TGFBRAP1: variants seen among roughly 807,000 people sequenced by gnomAD.
TGFBRAP1 encodes transforming growth factor beta receptor associated protein 1, also known as transforming growth factor-beta receptor-associated protein 1.
Under a neutral mutation model 83.2 loss-of-function variants are expected in TGFBRAP1, and 20 were observed. The observed-to-expected ratio is 0.24, with a 90% CI of 0.17 to 0.35. TGFBRAP1 has a LOEUF of 0.35. TGFBRAP1 is among the 10% of genes least tolerant of loss of function. The probability of loss-of-function intolerance (pLI) is 1.00; values close to 1 mark genes in which losing one functional copy is unlikely to be tolerated. For synonymous variants in TGFBRAP1, 415 were observed against 459.8 expected, an observed-to-expected ratio of 0.90 and a Z score of 1.25; for missense variants, 950 against 1,099.4, an observed-to-expected ratio of 0.86 and a Z score of 1.92.
chr2:105,299,257 G>T (rs1179467902), intron 2 of TGFBRAP1, among the ~76,000 whole-genome samples: 5 of 152,080 alleles, frequency 3.3e-5, no homozygotes, highest in African/African-American at 9.7e-5. Flanking sequence ...CTCCAGCCTG[G>T]GCGACAGAGT....
At chr2:105,277,716 C>A (rs1677396863) in intron 6 of TGFBRAP1, 45 bp from the exon 7 acceptor site, 1 of 1,589,926 alleles carries the variant, frequency 6.3e-7, no homozygotes, top group African/African-American at 1.3e-5. Context: ...CCCATCAGCT[C>A]CTGGAGGCGA....
chr2:105,273,142 C>T, intron 9 of TGFBRAP1, 128 bp from the exon 10 acceptor site: 2 of 1,206,680 alleles, frequency 1.7e-6, no homozygotes, highest in South Asian at 1.5e-5. Flanking sequence ...TGCTCACTTG[C>T]TGGATCGAAA....
the TGFBRAP1 span, among the ~76,000 whole-genome samples, chr2:105,253,286 T>C: frequency 6.6e-6 from 1 of 151,990 alleles, no homozygotes; most frequent in Non-Finnish European, 1.5e-5. Context: ...GCATGTGCCA[T>C]GACACCTGGC....
intron 1 of TGFBRAP1, among the ~76,000 whole-genome samples, chr2:105,313,948 C>A (rs1307420509): frequency 6.6e-6 from 1 of 152,050 alleles, no homozygotes; most frequent in Non-Finnish European, 1.5e-5. Context: ...TGACTCTCCC[C>A]CAATCATGCT....
rs1213544854 is a variant in TGFBRAP1 at position 105,296,514 on chromosome 2, T to TGAA, written c.884-7_884-5dup. ...CTTGTGGCAACGATCACTCTTCCTGTGAAGAAATTCAGCATTGTTGGAAAG... is the reference window on the plus strand; with the variant it reads ...CTTGTGGCAACGATCACTCTTCCTGTGAAGAAGAAATTCAGCATTGTTGGAAAG... On this transcript the variant is annotated splice_region_variant and splice_polypyrimidine_tract_variant and intron_variant, in intron 3 of 11. Transcript: ENST00000393359. The TGAA allele has an allele frequency of 6.2e-7, 1 of 1,600,990 alleles. No individual in the cohort carries two copies. The highest frequency in any genetic ancestry group is 1.8e-5 in the Admixed American group (1 of 56,680).
At chr2:105,321,631 T>C (rs1021553853) in intron 1 of TGFBRAP1, among the ~76,000 whole-genome samples, 9 of 152,336 alleles carry the variant, frequency 5.9e-5, no homozygotes, top group African/African-American at 2.2e-4. Flanking sequence ...AGGGGAAAAC[T>C]GAACACAGTG....
At chr2:105,256,193 G>A in the TGFBRAP1 span, among the ~76,000 whole-genome samples, 1 of 152,114 alleles carries the variant, frequency 6.6e-6, no homozygotes, top group South Asian at 2.1e-4. Flanking sequence ...GGCTCTCTTG[G>A]GTGGTAGAAT....
rs1573189933 is a variant in TGFBRAP1, at chr2:105,294,594, A to C, written c.1038+1762T>G. On this transcript the variant is annotated intron_variant, in intron 4 of 11. Transcript: ENST00000393359. ...ACTGAGAATAATGGGTGAACTCGAG[A>C]TAATTCTGAAGGTGTATTTCCAGGG... 2.0e-5 allele frequency among the ~76,000 whole-genome samples: 3 copies of C among 152,176 alleles called. No individual in the cohort carries two copies. In the East Asian group the frequency reaches 5.8e-4, roughly 29 times the overall value.
At chr2:105,289,338 T>G (rs1034605941) in intron 4 of TGFBRAP1, among the ~76,000 whole-genome samples, 2 of 152,172 alleles carry the variant, frequency 1.3e-5, no homozygotes, top group African/African-American at 4.8e-5. Context: ...ACCACATGCA[T>G]GTATTTTTTT....
chr2:105,258,333 C>T, the TGFBRAP1 span, among the ~76,000 whole-genome samples: 1 of 152,164 alleles, frequency 6.6e-6, no homozygotes, highest in East Asian at 1.9e-4. Context: ...TTCTGGGTGC[C>T]TCTGTGAGGG....
At chr2:105,282,955 C>T (rs927540203) in intron 5 of TGFBRAP1, among the ~76,000 whole-genome samples, 1 of 152,150 alleles carries the variant, frequency 6.6e-6, no homozygotes, top group Non-Finnish European at 1.5e-5. Flanking sequence ...ATAACAGGCC[C>T]CACATCTATT....
chr2:105,252,153 T>A, the TGFBRAP1 span, among the ~76,000 whole-genome samples: 4 of 152,010 alleles, frequency 2.6e-5, no homozygotes, highest in Non-Finnish European at 4.4e-5. Context: ...AATAAATAAA[T>A]AAAATAAAAT....
chr2:105,298,876 C>A (rs1197175128), intron 2 of TGFBRAP1, among the ~76,000 whole-genome samples, 171 bp from the exon 3 acceptor site: 1 of 152,200 alleles, frequency 6.6e-6, no homozygotes, highest in African/African-American at 2.4e-5. Context: ...AAGAGCCCTA[C>A]AGGAATTTAT....
intron 4 of TGFBRAP1, 109 bp downstream of exon 4, chr2:105,296,247 C>T: frequency 7.8e-7 from 1 of 1,276,446 alleles, no homozygotes; most frequent in Non-Finnish European, 1.1e-6. Flanking sequence ...GATATAAAAG[C>T]AGTGTGTACA....
intron 1 of TGFBRAP1, among the ~76,000 whole-genome samples, chr2:105,316,544 T>C (rs1678885712): frequency 6.6e-6 from 1 of 150,702 alleles, no homozygotes; most frequent in African/African-American, 2.4e-5. Context: ...CAGTGGCTCA[T>C]GCCTGTAATC....
rs1394921270 is a variant in TGFBRAP1 at position 105,273,693 on chromosome 2, G to A, written c.1666-3C>T. 6.2e-7 allele frequency: 1 copy of A among 1,613,754 alleles called. No homozygotes were observed. Among genetic ancestry groups the A allele is most frequent in the Non-Finnish European group, 8.5e-7 (1 of 1,179,918 alleles). On this transcript the variant is annotated splice_polypyrimidine_tract_variant and splice_region_variant and intron_variant, in intron 8 of 11. Coordinates refer to ENST00000393359, the MANE Select transcript of TGFBRAP1 (RefSeq NM_004257.6). ...TTGGTGAAAACCTGAACTCCGACCT[G>A]AAAGAGGAGCGACAATACAGTGACT...
chr2:105,311,547 C>G (rs1041785367), intron 1 of TGFBRAP1, among the ~76,000 whole-genome samples: 1 of 151,478 alleles, frequency 6.6e-6, no homozygotes, highest in Non-Finnish European at 1.5e-5. Context: ...ATTGCACCAC[C>G]GCTCTCCAGC....
intron 6 of TGFBRAP1, among the ~76,000 whole-genome samples, chr2:105,278,833 A>G (rs866541547): frequency 6.6e-6 from 1 of 151,928 alleles, no homozygotes; most frequent in Non-Finnish European, 1.5e-5. Flanking sequence ...GGATCCCACC[A>G]TCCCTTGTCA....
chr2:105,313,105 T>G (rs972710698), intron 1 of TGFBRAP1, among the ~76,000 whole-genome samples: 7 of 152,002 alleles, frequency 4.6e-5, no homozygotes, highest in African/African-American at 1.7e-4. Context: ...AGAGTGAAAC[T>G]CTGTCTCAAA....
Sources: gnomAD v4.1 joint callset for allele counts (sites outside exome capture counted in the v4.1 genomes callset) on GRCh38, gnomAD v4.1.1 for gene constraint, MANE v1.5 for transcripts, NCBI Gene and HGNC (gene_info 2026-07-23, HGNC 2026-07-21) for gene names.